Variants in SLCO1B1 observed in about 807,000 individuals in gnomAD.
SLCO1B1 encodes OATP-2.
A neutral mutation model predicts 70.1 loss-of-function variants in SLCO1B1; 81 were observed. The observed-to-expected ratio is 1.16, with a 90% confidence interval of 0.97 to 1.39. The LOEUF is 1.39. Among genes scored for constraint, SLCO1B1 ranks in the 40% most tolerant of loss-of-function variants. The probability of loss-of-function intolerance (pLI) is 0.00; values close to 1 mark genes in which losing one functional copy is unlikely to be tolerated. For missense variants in SLCO1B1, 895 were observed against 799.6 expected, an observed-to-expected ratio of 1.12 and a Z score of -1.44; for synonymous variants, 283 against 271.5, an observed-to-expected ratio of 1.04 and a Z score of -0.42.
chr12:21,168,194 A>G (rs1017393089), intron 2 of SLCO1B1, among the ~76,000 whole-genome samples: 1 of 147,292 alleles, frequency 6.8e-6, no homozygotes, highest in Non-Finnish European at 1.5e-5. Context: ...GCTTAGCATA[A>G]TGTCCTTGAG....
intron 10 of SLCO1B1, 95 bp from the exon 11 acceptor site, chr12:21,205,773 T>G: frequency 1.1e-6 from 1 of 938,404 alleles, no homozygotes; most frequent in Non-Finnish European, 1.6e-6. Flanking sequence ...TTTCCCTCTT[T>G]CTCTGCTTTC....
intron 2 of SLCO1B1, among the ~76,000 whole-genome samples, chr12:21,142,097 A>T (rs536075115): frequency 3.3e-5 from 5 of 151,416 alleles, no homozygotes; most frequent in South Asian, 2.1e-4. Context: ...AACAGGATTT[A>T]AAAAAGTTCT....
chr12:21,140,742 C>A (rs1208286505), intron 1 of SLCO1B1, among the ~76,000 whole-genome samples: 1 of 151,856 alleles, frequency 6.6e-6, no homozygotes. Flanking sequence ...AGGTATGCTA[C>A]CATTTGCATT....
intron 9 of SLCO1B1, 28 bp downstream of exon 9, chr12:21,200,700 T>G: frequency 6.3e-7 from 1 of 1,590,990 alleles, no homozygotes; most frequent in Non-Finnish European, 8.6e-7. Context: ...CTTGTGTGCT[T>G]AATAAGTGAA....
chr12:21,163,034 A>G (rs1386632848), intron 2 of SLCO1B1, among the ~76,000 whole-genome samples: 2 of 152,146 alleles, frequency 1.3e-5, no homozygotes, highest in Admixed American at 6.6e-5. Context: ...CTTTTTGTGA[A>G]TAAATTAACT....
At chr12:21,160,507 A>AG (rs1246894547) in intron 2 of SLCO1B1, among the ~76,000 whole-genome samples, 1 of 152,014 alleles carries the variant, frequency 6.6e-6, no homozygotes, top group African/African-American at 2.4e-5. Flanking sequence ...GAAAAAAAAA[A>AG]TCAACTCCAG....
At chr12:21,190,441 A>G (rs147188065) in intron 7 of SLCO1B1, among the ~76,000 whole-genome samples, 1 of 152,252 alleles carries the variant, frequency 6.6e-6, no homozygotes, top group Non-Finnish European at 1.5e-5. Context: ...GCCAGGGTCT[A>G]CCAGGATGGA....
intron 4 of SLCO1B1, among the ~76,000 whole-genome samples, chr12:21,176,186 G>A (rs553382207): frequency 1.3e-5 from 2 of 152,210 alleles, no homozygotes; most frequent in African/African-American, 4.8e-5. Flanking sequence ...AAAACTGTGT[G>A]TTTTATTTCT....
chr12:21,162,276 T>G (rs1299569666), intron 2 of SLCO1B1, among the ~76,000 whole-genome samples: 1 of 152,082 alleles, frequency 6.6e-6, no homozygotes, highest in Non-Finnish European at 1.5e-5. Context: ...TCAATTTAAT[T>G]GACTATATTT....
rs1453038721 is a variant in SLCO1B1, at chr12:21,239,203, G to A, written c.*14G>A. 6.4e-7 allele frequency: 1 copy of A among 1,557,964 alleles called. No individual in the cohort carries two copies. Among genetic ancestry groups the A allele is most frequent in the African/African-American group, 1.4e-5 (1 of 73,712 alleles). Reference sequence around the variant, plus strand: ...ACACATTGTTAAGGGGAGAAAAAAAGCCACTTCTGCTTCTGTGTTTCCAAA... The same window carrying A: ...ACACATTGTTAAGGGGAGAAAAAAAACCACTTCTGCTTCTGTGTTTCCAAA... On this transcript the variant is annotated 3_prime_UTR_variant, in exon 15 of 15. Transcript: ENST00000256958.
rs35163063 is a variant in SLCO1B1, at chr12:21,220,815, TAAAAAAAAAAA to T, written c.1683-1480_1683-1470del. Among the ~76,000 whole-genome samples the T allele has an allele frequency of 4.8e-3, 581 of 121,558 alleles. 3 individuals carry two copies. Among genetic ancestry groups the T allele is most frequent in the African/African-American group, 0.016 (548 of 33,462 alleles). 79.7% of individuals were successfully genotyped at this position (121,558 alleles called of 152,430 possible). A position where few individuals can be genotyped will look rare whatever the true frequency, so the allele number is the denominator to read the frequency against. ...CCTGGGAGACAGAGCAAGACTGGTC[TAAAAAAAAAAA>T]AAAAGAAAAGAAAACCACAAACCAA... On this transcript the variant is annotated intron_variant, in intron 12 of 14. Transcript: ENST00000256958.
chr12:21,171,649 G>C (rs1052814303), intron 2 of SLCO1B1, among the ~76,000 whole-genome samples: 2 of 152,170 alleles, frequency 1.3e-5, no homozygotes, highest in Non-Finnish European at 2.9e-5. Context: ...ATTAGAAGAG[G>C]TCGTTTAGTC....
At chr12:21,230,347 G>T (rs3962562) in intron 14 of SLCO1B1, among the ~76,000 whole-genome samples, 34,520 of 70,268 alleles carry the variant, frequency 0.49, 5,717 homozygotes, top group East Asian at 0.57. Flanking sequence ...TTTTTTTTTT[G>T]GAGACATAGT....
At chr12:21,178,464 CTTG>C (rs1940848438) in intron 5 of SLCO1B1, 109 bp from the exon 6 acceptor site, 5 of 700,564 alleles carry the variant, frequency 7.1e-6, no homozygotes, top group Non-Finnish European at 1.2e-5. Flanking sequence ...ATTACTTGTA[CTTG>C]TAAATTAAAA....
At chr12:21,205,755 C>A (rs927307951) in intron 10 of SLCO1B1, 113 bp from the exon 11 acceptor site, 3 of 726,222 alleles carry the variant, frequency 4.1e-6, no homozygotes, top group African/African-American at 5.1e-5. Context: ...AATTCTTTAT[C>A]TACTTTTTTT....
At chr12:21,162,277 G>A (rs994667376) in intron 2 of SLCO1B1, among the ~76,000 whole-genome samples, 1 of 151,890 alleles carries the variant, frequency 6.6e-6, no homozygotes, top group African/African-American at 2.4e-5. Context: ...CAATTTAATT[G>A]ACTATATTTT....
intron 2 of SLCO1B1, among the ~76,000 whole-genome samples, chr12:21,168,173 T>A (rs1246191069): frequency 6.6e-6 from 1 of 151,720 alleles, no homozygotes; most frequent in East Asian, 1.9e-4. Flanking sequence ...CTTTCGTGAC[T>A]GGCTTATTTA....
chr12:21,205,776 C>T, intron 10 of SLCO1B1, 92 bp from the exon 11 acceptor site: 4 of 938,820 alleles, frequency 4.3e-6, no homozygotes, highest in South Asian at 1.8e-5. Context: ...CCCTCTTTCT[C>T]TGCTTTCACT....
chr12:21,211,216 T>G (rs1396911960), intron 11 of SLCO1B1, among the ~76,000 whole-genome samples: 1 of 152,192 alleles, frequency 6.6e-6, no homozygotes, highest in African/African-American at 2.4e-5. Flanking sequence ...ATAGCTCTTA[T>G]TATTTTGAAA....
Sources: allele counts gnomAD v4.1 joint callset (sites outside exome capture counted in the v4.1 genomes callset), GRCh38; gene constraint gnomAD v4.1.1; transcripts MANE v1.5; gene names NCBI Gene and HGNC (gene_info 2026-07-23, HGNC 2026-07-21).